The following NETO1 variants were observed in gnomAD, a reference collection of about 807,000 sequenced individuals.
The protein encoded by NETO1 is neuropilin and tolloid-like protein 1.
Under a neutral mutation model 61.3 loss-of-function variants are expected in NETO1, and 26 were observed. That is an observed-to-expected ratio of 0.42 (90% CI 0.31 to 0.59). The LOEUF is 0.59. Ranked by LOEUF, NETO1 falls within the 20% of genes least tolerant of loss-of-function variation. The pLI is 0.12. For synonymous variants in NETO1, 225 were observed against 225.8 expected, an observed-to-expected ratio of 1.00 and a Z score of 0.03; for missense variants, 531 against 662.8, an observed-to-expected ratio of 0.80 and a Z score of 2.18.
intron 6 of NETO1, among the ~76,000 whole-genome samples, chr18:72,788,476 A>G (rs1310958312): frequency 6.6e-6 from 1 of 152,112 alleles, no homozygotes; most frequent in Non-Finnish European, 1.5e-5. Flanking sequence ...CTATCTCATT[A>G]GCTTAAATCT....
intron 4 of NETO1, among the ~76,000 whole-genome samples, chr18:72,820,449 T>C (rs2073156579): frequency 6.6e-6 from 1 of 152,186 alleles, no homozygotes; most frequent in Non-Finnish European, 1.5e-5. Context: ...AAACCAACTC[T>C]TCCCTTCTCC....
intron 4 of NETO1, among the ~76,000 whole-genome samples, chr18:72,851,212 G>A (rs1380866546): frequency 6.6e-6 from 1 of 152,116 alleles, no homozygotes; most frequent in African/African-American, 2.4e-5. Flanking sequence ...GGGAGTTCGA[G>A]ACCAGCCTGA....
In NETO1 at chr18:72,849,979, A is replaced by C. The variant is rs548933530; in HGVS notation, c.469+8847T>G. Among the ~76,000 whole-genome samples the C allele has an allele frequency of 1.1e-3, 163 of 152,220 alleles. 1 individual carries two copies. Among genetic ancestry groups the C allele is most frequent in the Non-Finnish European group, 1.8e-3 (123 of 68,048 alleles). ...CTGCCTCCTTCGTTACATACTGAGA[A>C]AGCCTTGTAATTACACTGGGTCCTC... On this transcript the variant is annotated intron_variant, in intron 4 of 10. Coordinates refer to ENST00000327305, the MANE Select transcript of NETO1 (RefSeq NM_138966.5).
intron 4 of NETO1, among the ~76,000 whole-genome samples, chr18:72,806,352 T>C (rs1428618592): frequency 1.3e-5 from 2 of 152,146 alleles, no homozygotes; most frequent in East Asian, 3.9e-4. Flanking sequence ...AACTTCCCAC[T>C]CTCAACCTAT....
At chr18:72,824,479 C>A (rs73966676) in intron 4 of NETO1, among the ~76,000 whole-genome samples, 5,642 of 152,246 alleles carry the variant, frequency 0.037, 116 homozygotes, top group South Asian at 0.069. Context: ...CTGGGAAATA[C>A]TCATTAACTG....
rs1490772911 is a variant in NETO1, at chr18:72,747,036, A to G, written c.*1143T>C. On this transcript the variant is annotated 3_prime_UTR_variant, in exon 11 of 11. Coordinates refer to ENST00000327305, the MANE Select transcript of NETO1 (RefSeq NM_138966.5). ...GTGATTTTAAAGCAGTTTTAAAAAG[A>G]GTTCCCTATTCTAAAAGAAGAAAAT... 2 of 151,996 alleles carry G rather than the reference A, an allele frequency of 1.3e-5. No homozygotes were observed. Among genetic ancestry groups the G allele is most frequent in the Non-Finnish European group, 2.9e-5 (2 of 67,924 alleles). 9.4% of individuals were successfully genotyped at this position (151,996 alleles called of 1,614,324 possible). A position where few individuals can be genotyped will look rare whatever the true frequency, so the allele number is the denominator to read the frequency against.
chr18:72,804,388 G>A (rs2072608834), intron 4 of NETO1, among the ~76,000 whole-genome samples: 1 of 152,172 alleles, frequency 6.6e-6, no homozygotes, highest in African/African-American at 2.4e-5. Flanking sequence ...ATTTCACACT[G>A]CTAGCCACAT....
intron 6 of NETO1, among the ~76,000 whole-genome samples, 166 bp downstream of exon 6, chr18:72,793,951 T>C (rs781456315): frequency 2.0e-5 from 3 of 152,210 alleles, no homozygotes; most frequent in Non-Finnish European, 2.9e-5. Flanking sequence ...CAAATTTAGA[T>C]TGGACAAGAG....
At chr18:72,752,225 C>T (rs994944404) in intron 8 of NETO1, among the ~76,000 whole-genome samples, 2 of 152,158 alleles carry the variant, frequency 1.3e-5, no homozygotes, top group Non-Finnish European at 2.9e-5. Context: ...AAGGACTACC[C>T]TTGCAATTAA....
chr18:72,817,451 C>T (rs1185886016), intron 4 of NETO1, among the ~76,000 whole-genome samples: 4 of 152,258 alleles, frequency 2.6e-5, no homozygotes, highest in Non-Finnish European at 4.4e-5. Context: ...AGTCAACCAA[C>T]AAAGATGTGA....
At position 72,803,547 on chromosome 18, in the gene NETO1, G is replaced by A. The variant is rs531663309; in HGVS notation, c.470-9143C>T. 1.4e-4 allele frequency among the ~76,000 whole-genome samples: 22 copies of A among 152,278 alleles called. No individual in the cohort carries two copies. In the South Asian group the frequency reaches 4.3e-3, roughly 30 times the overall value. On this transcript the variant is annotated intron_variant, in intron 4 of 10. Coordinates refer to ENST00000327305, the MANE Select transcript of NETO1 (RefSeq NM_138966.5). Reference sequence around the variant, plus strand: ...GCTCTTAAAATACTCTCCTGGCCAGGAGCGGTGGCTCATGCCTTTAATCCC... The same window carrying A: ...GCTCTTAAAATACTCTCCTGGCCAGAAGCGGTGGCTCATGCCTTTAATCCC...
At chr18:72,758,422 G>A (rs1599101722) in intron 7 of NETO1, among the ~76,000 whole-genome samples, 1 of 120,358 alleles carries the variant, frequency 8.3e-6, no homozygotes, top group South Asian at 3.0e-4. Context: ...GAGGAGGGGG[G>A]TGGGGGTGTT....
chr18:72,758,375 T>A (rs953349990), intron 7 of NETO1, among the ~76,000 whole-genome samples: 5 of 56,612 alleles, frequency 8.8e-5, no homozygotes, highest in Admixed American at 8.5e-4. Context: ...TTGTGGTGCT[T>A]TTTTTTTCTT....
chr18:72,825,388 C>G (rs1412324521), intron 4 of NETO1, among the ~76,000 whole-genome samples: 1 of 152,014 alleles, frequency 6.6e-6, no homozygotes, highest in Admixed American at 6.6e-5. Flanking sequence ...AACCCTTCAC[C>G]TTTTCTAATC....
intron 4 of NETO1, among the ~76,000 whole-genome samples, chr18:72,799,448 A>G (rs927231677): frequency 3.9e-5 from 6 of 152,248 alleles, no homozygotes; most frequent in African/African-American, 1.4e-4. Context: ...GAATGATTAC[A>G]TATCAGGAAA....
chr18:72,808,744 A>G (rs909355392), intron 4 of NETO1, among the ~76,000 whole-genome samples: 20 of 152,232 alleles, frequency 1.3e-4, no homozygotes, highest in African/African-American at 3.9e-4. Flanking sequence ...TTTGATGAAT[A>G]TTAGACCCTT....
intron 4 of NETO1, among the ~76,000 whole-genome samples, chr18:72,810,654 T>G (rs2072835107): frequency 6.6e-6 from 1 of 152,210 alleles, no homozygotes; most frequent in South Asian, 2.1e-4. Context: ...ATGGTGCACT[T>G]GCTCCTACAA....
Position 72,750,279 on chromosome 18 carries a change from C to T in NETO1, c.1324G>A (p.Gly442Ser), listed in dbSNP as rs780303817. ...CTTGTGCTGAGGTTACTGCGGCTGCCTTTAGTGCTGGACAGCTGTGATCCA... is the reference window on the plus strand; with the variant it reads ...CTTGTGCTGAGGTTACTGCGGCTGCTTTTAGTGCTGGACAGCTGTGATCCA... ...HCGSQLSSTK[G>S]SRSNLSTRDA... Residue 442 changes from glycine (G) to serine (S), a missense_variant, in exon 9 of 11, where the codon GGC becomes AGC. By Grantham distance (56) the Gly-to-Ser change is moderately conservative (BLOSUM62 0). Coordinates refer to ENST00000327305, the MANE Select transcript of NETO1 (RefSeq NM_138966.5). The T allele has an allele frequency of 2.5e-6, 4 of 1,613,918 alleles. No individual in the cohort carries two copies. Among genetic ancestry groups the T allele is most frequent in the Admixed American group, 3.3e-5 (2 of 59,980 alleles).
At chr18:72,767,695 T>C (rs2071211291) in intron 7 of NETO1, among the ~76,000 whole-genome samples, 1 of 151,108 alleles carries the variant, frequency 6.6e-6, no homozygotes, top group Non-Finnish European at 1.5e-5. Flanking sequence ...TATGGTGCCA[T>C]CAAACTCAAT....
Sources: allele counts gnomAD v4.1 joint callset (sites outside exome capture counted in the v4.1 genomes callset), GRCh38; gene constraint gnomAD v4.1.1; transcripts MANE v1.5; gene names NCBI Gene and HGNC (gene_info 2026-07-23, HGNC 2026-07-21).